ZRANB3: variants seen among roughly 807,000 people sequenced by gnomAD.
The protein encoded by ZRANB3 is DNA annealing helicase and endonuclease ZRANB3.
Under a neutral mutation model 133.8 loss-of-function variants are expected in ZRANB3, and 125 were observed. The ratio of observed to expected loss-of-function variants is 0.93; its 90% CI spans 0.81 to 1.08. The LOEUF is 1.08. Among genes scored for constraint, ZRANB3 ranks in the 50% least tolerant of loss-of-function variants. The probability of loss-of-function intolerance (pLI) is 0.00; values close to 1 mark genes in which losing one functional copy is unlikely to be tolerated. For missense variants in ZRANB3, 1,229 were observed against 1,275.5 expected (o/e 0.96, Z 0.56); for synonymous variants, 387 against 432.7 (o/e 0.89, Z 1.31).
At chr2:135,501,477 C>T (rs1192256652) in intron 2 of ZRANB3, among the ~76,000 whole-genome samples, 2 of 152,136 alleles carry the variant, frequency 1.3e-5, no homozygotes, top group African/African-American at 4.8e-5. Flanking sequence ...ATGACAACAC[C>T]ATTACCTCAT....
At chr2:135,397,975 A>G (rs566680787) in intron 2 of ZRANB3, among the ~76,000 whole-genome samples, 2 of 152,312 alleles carry the variant, frequency 1.3e-5, no homozygotes, top group South Asian at 4.1e-4. Context: ...TATGAACTAC[A>G]TATCTTTGGA....
chr2:135,467,133 T>A (rs562389921), intron 2 of ZRANB3, among the ~76,000 whole-genome samples: 1 of 152,230 alleles, frequency 6.6e-6, no homozygotes, highest in Non-Finnish European at 1.5e-5. Context: ...GATGGCTTAA[T>A]GTGTATTTCT....
intron 12 of ZRANB3, among the ~76,000 whole-genome samples, chr2:135,265,228 C>T (rs935613): frequency 0.5 from 75,980 of 152,042 alleles, 23,994 homozygotes; most frequent in African/African-American, 0.84. Context: ...TTTTTCTTTA[C>T]TATTTGCACA....
intron 9 of ZRANB3, among the ~76,000 whole-genome samples, chr2:135,272,413 G>GTTTTTTTTTTTTTTTTTTTTTTTTTT (rs1558877433): frequency 1.8e-5 from 2 of 109,910 alleles, no homozygotes; most frequent in Non-Finnish European, 1.6e-5. Context: ...GGAAAATAGA[G>GTTTTTTTTTTTTTTTTTTTTTTTTTT]CTTTTTTTTT....
chr2:135,356,535 GTTTA>G (rs1685444687), intron 3 of ZRANB3, among the ~76,000 whole-genome samples: 1 of 152,120 alleles, frequency 6.6e-6, no homozygotes, highest in African/African-American at 2.4e-5. Flanking sequence ...ATGCTGGGAA[GTTTA>G]TTTGATTAGA....
intron 2 of ZRANB3, among the ~76,000 whole-genome samples, chr2:135,412,909 T>C (rs532749450): frequency 6.6e-6 from 1 of 152,274 alleles, no homozygotes; most frequent in South Asian, 2.1e-4. Context: ...TAAAAATTCA[T>C]TAGGTTTTTG....
At chr2:135,206,629 G>T (rs1693868768) in intron 19 of ZRANB3, among the ~76,000 whole-genome samples, 1 of 151,190 alleles carries the variant, frequency 6.6e-6, no homozygotes, top group South Asian at 2.1e-4. Flanking sequence ...AACTCATACT[G>T]GGATTATATT....
chr2:135,511,256 CT>C, intron 1 of ZRANB3: 1 of 1,027,904 alleles, frequency 9.7e-7, no homozygotes, highest in Non-Finnish European at 1.5e-6. Context: ...GAGAAGAACT[CT>C]TCTGAGCATC....
At chr2:135,449,425 T>A (rs1179626234) in intron 2 of ZRANB3, among the ~76,000 whole-genome samples, 2 of 152,036 alleles carry the variant, frequency 1.3e-5, no homozygotes, top group Non-Finnish European at 2.9e-5. Flanking sequence ...TTCGAGACCA[T>A]CCTGGCCAAC....
chr2:135,301,925 A>G (rs1682453101), intron 8 of ZRANB3, among the ~76,000 whole-genome samples: 2 of 152,258 alleles, frequency 1.3e-5, no homozygotes, highest in Admixed American at 1.3e-4. Flanking sequence ...ATAGTAGGCA[A>G]TCAATAAATA....
At chr2:135,273,900 T>C (rs897045272) in intron 9 of ZRANB3, among the ~76,000 whole-genome samples, 2 of 152,056 alleles carry the variant, frequency 1.3e-5, no homozygotes, top group Non-Finnish European at 2.9e-5. Context: ...GTAAAATGGA[T>C]GTAAGAAAAA....
intron 3 of ZRANB3, among the ~76,000 whole-genome samples, chr2:135,381,324 G>A (rs1295404830): frequency 6.6e-6 from 1 of 152,206 alleles, no homozygotes; most frequent in Non-Finnish European, 1.5e-5. Flanking sequence ...CCATTGCTGA[G>A]GCTTGAGTAG....
Position 135,350,268 on chromosome 2 carries a change from T to A in ZRANB3, c.360-53A>T. 11 of 1,342,154 alleles carry A rather than the reference T, an allele frequency of 8.2e-6. 1 individual carries two copies. The South Asian group carries it at 1.4e-4, about 18-fold the overall frequency. 83.1% of individuals were successfully genotyped at this position (1,342,154 alleles called of 1,614,324 possible). A position where few individuals can be genotyped will look rare whatever the true frequency, so the allele number is the denominator to read the frequency against. ...AAATATCTCAGTAATGACGTTATCATGAACAATACAACTCTCTTGGGAAAA... is the reference window on the plus strand; with the variant it reads ...AAATATCTCAGTAATGACGTTATCAAGAACAATACAACTCTCTTGGGAAAA... On this transcript the variant is annotated intron_variant, in intron 4 of 20. Coordinates refer to ENST00000264159, the MANE Select transcript of ZRANB3 (RefSeq NM_032143.4).
intron 8 of ZRANB3, among the ~76,000 whole-genome samples, chr2:135,303,844 A>C (rs1327550898): frequency 6.6e-6 from 1 of 152,146 alleles, no homozygotes; most frequent in Non-Finnish European, 1.5e-5. Context: ...TGTAGTTTTC[A>C]GTACATATTT....
chr2:135,265,552 C>T lies in ZRANB3; in HGVS notation c.1521G>A (p.Lys507=). ...ATCTTACGTGAGTGAACAAAGCTTC[C>T]TTCCTTAACTCTTCAGAACTGTCAT... ...TPNDSSEELR[K]EALFTHFEKE... is the part of the protein sequence containing the mutation. Residue 507 remains lysine (K), a synonymous_variant, in exon 12 of 21, where the codon AAG becomes AAA. Transcript: ENST00000264159. The T allele has an allele frequency of 6.2e-7, 1 of 1,612,712 alleles. No individual in the cohort carries two copies. Among genetic ancestry groups the T allele is most frequent in the Non-Finnish European group, 8.5e-7 (1 of 1,179,410 alleles).
intron 12 of ZRANB3, among the ~76,000 whole-genome samples, chr2:135,256,799 G>A (rs1679677097): frequency 1.3e-5 from 2 of 152,272 alleles, no homozygotes; most frequent in African/African-American, 4.8e-5. Context: ...AGCTTGGCAG[G>A]ACTGGTTTCA....
At chr2:135,294,294 G>A (rs952921522) in intron 8 of ZRANB3, among the ~76,000 whole-genome samples, 5 of 152,036 alleles carry the variant, frequency 3.3e-5, no homozygotes, top group African/African-American at 7.2e-5. Flanking sequence ...GTCTATTCAG[G>A]GATTCAACTT....
chr2:135,503,256 C>CAA (rs1693027226), intron 2 of ZRANB3, among the ~76,000 whole-genome samples: 1 of 152,074 alleles, frequency 6.6e-6, no homozygotes, highest in African/African-American at 2.4e-5. Flanking sequence ...ATGATGTCTG[C>CAA]AATTTACTTT....
At chr2:135,325,334 C>T (rs1683754414) in intron 6 of ZRANB3, among the ~76,000 whole-genome samples, 1 of 152,110 alleles carries the variant, frequency 6.6e-6, no homozygotes, top group Non-Finnish European at 1.5e-5. Flanking sequence ...ATTTATCCTG[C>T]CTTTCTTAAG....
Sources: allele counts gnomAD v4.1 joint callset (sites outside exome capture counted in the v4.1 genomes callset), GRCh38; gene constraint gnomAD v4.1.1; transcripts MANE v1.5; gene names NCBI Gene and HGNC (gene_info 2026-07-23, HGNC 2026-07-21).